The following CHN2 variants were observed in gnomAD, a reference collection of about 807,000 sequenced individuals.
The protein encoded by CHN2 is chimerin 2.
Under a neutral mutation model 56.3 loss-of-function variants are expected in CHN2, and 35 were observed. The ratio of observed to expected loss-of-function variants is 0.62; its 90% confidence interval spans 0.47 to 0.82. The LOEUF (loss-of-function observed/expected upper bound fraction) is 0.82, where lower values mean the gene tolerates loss of function less well. Among genes scored for constraint, CHN2 ranks in the 40% least tolerant of loss-of-function variants. The pLI, the probability that CHN2 is intolerant of heterozygous loss-of-function variation, is 0.00. For missense variants in CHN2, 491 were observed against 580.5 expected (o/e 0.85, Z 1.58); for synonymous variants, 210 against 212.8 (o/e 0.99, Z 0.12).
At chr7:29,442,037 A>G (rs977118872) in intron 6 of CHN2, among the ~76,000 whole-genome samples, 1 of 152,246 alleles carries the variant, frequency 6.6e-6, no homozygotes. Flanking sequence ...CCAAATGTCC[A>G]TCAACACATG....
intron 7 of CHN2, among the ~76,000 whole-genome samples, chr7:29,482,914 C>T (rs1485128234): frequency 5.0e-5 from 7 of 140,024 alleles, no homozygotes; most frequent in Non-Finnish European, 9.1e-5. Context: ...CTCCGCCTCC[C>T]GGGTTCATGC....
chr7:29,290,997 A>G (rs1436966814), intron 1 of CHN2, among the ~76,000 whole-genome samples: 2 of 152,284 alleles, frequency 1.3e-5, no homozygotes, highest in East Asian at 1.9e-4. Context: ...CGAGGGTTGC[A>G]TCTCTTCTTC....
chr7:29,310,032 G>C (rs1033782304), intron 1 of CHN2, among the ~76,000 whole-genome samples: 1 of 152,236 alleles, frequency 6.6e-6, no homozygotes, highest in African/African-American at 2.4e-5. Context: ...CATTTCCTAG[G>C]TGGGGGGACC....
intron 6 of CHN2, among the ~76,000 whole-genome samples, chr7:29,434,356 T>C (rs549404736): frequency 6.6e-6 from 1 of 151,910 alleles, no homozygotes; most frequent in Admixed American, 6.6e-5. Context: ...TACCATGAAC[T>C]GCATGCCTTA....
chr7:29,292,306 G>A (rs550073344), intron 1 of CHN2, among the ~76,000 whole-genome samples: 5 of 152,190 alleles, frequency 3.3e-5, no homozygotes, highest in African/African-American at 9.7e-5. Flanking sequence ...GGAGTGCTCC[G>A]AGACAACCTT....
intron 2 of CHN2, among the ~76,000 whole-genome samples, chr7:29,363,506 C>T (rs1471925168): frequency 6.6e-6 from 1 of 152,150 alleles, no homozygotes; most frequent in Non-Finnish European, 1.5e-5. Flanking sequence ...CCACCACCAC[C>T]ACCATCTACT....
At chr7:29,181,847 C>G (rs1798094569) in intron 2 of CHN2, among the ~76,000 whole-genome samples, 1 of 152,008 alleles carries the variant, frequency 6.6e-6, no homozygotes, top group African/African-American at 2.4e-5. Context: ...GGCTGCTAAA[C>G]TGCTAATTCC....
At chr7:29,449,735 T>C (rs891037567) in intron 6 of CHN2, among the ~76,000 whole-genome samples, 1 of 152,188 alleles carries the variant, frequency 6.6e-6, no homozygotes, top group Non-Finnish European at 1.5e-5. Flanking sequence ...TGGTTGGGCA[T>C]TGATGAACAG....
At chr7:29,210,467 T>C (rs1177220134) in intron 1 of CHN2, among the ~76,000 whole-genome samples, 2 of 151,998 alleles carry the variant, frequency 1.3e-5, no homozygotes, top group Non-Finnish European at 2.9e-5. Flanking sequence ...CTTCATTCCA[T>C]ATGTACTTAT....
intron 1 of CHN2, among the ~76,000 whole-genome samples, chr7:29,264,881 A>AC (rs1478974690): frequency 4.0e-5 from 6 of 150,942 alleles, no homozygotes; most frequent in African/African-American, 7.4e-5. Context: ...GCAAAAAAAA[A>AC]AAAACAAGTT....
At chr7:29,315,798 G>A (rs1159491206) in intron 1 of CHN2, among the ~76,000 whole-genome samples, 1 of 152,122 alleles carries the variant, frequency 6.6e-6, no homozygotes, top group African/African-American at 2.4e-5. Flanking sequence ...CTGCTAATGG[G>A]GAATACAGAT....
chr7:29,291,621 C>CT (rs1304473651), intron 1 of CHN2, among the ~76,000 whole-genome samples: 1 of 152,016 alleles, frequency 6.6e-6, no homozygotes, highest in Non-Finnish European at 1.5e-5. Flanking sequence ...ATGGAACTTT[C>CT]TTTTTTTTAA....
At chr7:29,386,216 C>T (rs1022536357) in intron 3 of CHN2, among the ~76,000 whole-genome samples, 4 of 152,122 alleles carry the variant, frequency 2.6e-5, no homozygotes, top group Admixed American at 1.3e-4. Context: ...AATTTCAGTA[C>T]TTGCATTTTC....
At chr7:29,236,986 G>A (rs564887040) in intron 1 of CHN2, among the ~76,000 whole-genome samples, 2 of 152,284 alleles carry the variant, frequency 1.3e-5, no homozygotes, top group East Asian at 1.9e-4. Context: ...GCTGTGTAAT[G>A]TAAGGTATTC....
At chr7:29,408,218 ATATATATTAAAAAT>A (rs1269587186) in intron 6 of CHN2, among the ~76,000 whole-genome samples, 4 of 151,952 alleles carry the variant, frequency 2.6e-5, no homozygotes, top group African/African-American at 9.7e-5. Context: ...AAATTAAAAA[ATATATATTAAAAAT>A]GCCCATGTTT....
At chr7:29,272,625 G>GA (rs1240827432) in intron 1 of CHN2, among the ~76,000 whole-genome samples, 1 of 152,148 alleles carries the variant, frequency 6.6e-6, no homozygotes, top group African/African-American at 2.4e-5. Context: ...GTGGTTTTCA[G>GA]ATTTTTGGGG....
intron 3 of CHN2, among the ~76,000 whole-genome samples, chr7:29,379,003 A>C (rs781504503): frequency 9.2e-5 from 14 of 152,180 alleles, no homozygotes; most frequent in Admixed American, 3.3e-4. Flanking sequence ...AATATACATA[A>C]AGCACTTAGA....
At chr7:29,458,116 T>C (rs1010784669) in intron 6 of CHN2, among the ~76,000 whole-genome samples, 7 of 152,336 alleles carry the variant, frequency 4.6e-5, no homozygotes, top group African/African-American at 1.4e-4. Flanking sequence ...CAAAAGACAG[T>C]GTTATAGTTT....
chr7:29,250,156 C>G (rs550777931), intron 1 of CHN2, among the ~76,000 whole-genome samples: 1 of 152,336 alleles, frequency 6.6e-6, no homozygotes, highest in Admixed American at 6.5e-5. Context: ...AATGTCATGG[C>G]ACTCCCTGGG....
Sources: allele counts gnomAD v4.1 joint callset (sites outside exome capture counted in the v4.1 genomes callset), GRCh38; gene constraint gnomAD v4.1.1; transcripts MANE v1.5; gene names NCBI Gene and HGNC (gene_info 2026-07-23, HGNC 2026-07-21).